The following CNTNAP4 variants were observed in gnomAD, a reference collection of about 807,000 sequenced individuals.
CNTNAP4 encodes the protein contactin-associated protein-like 4.
In CNTNAP4, 98 loss-of-function variants were observed where a neutral mutation model predicts 148.4. The observed-to-expected ratio is 0.66, with a 90% CI of 0.56 to 0.78. The LOEUF (loss-of-function observed/expected upper bound fraction) is 0.78. Among genes scored for constraint, CNTNAP4 ranks in the 30% least tolerant of loss-of-function variants. The probability of loss-of-function intolerance (pLI) is 0.00; values close to 1 mark genes in which losing one functional copy is unlikely to be tolerated. For missense variants in CNTNAP4, 1,935 were observed against 1,565.6 expected (o/e 1.24, Z -3.98); for synonymous variants, 730 against 565.1 (o/e 1.29, Z -4.14).
rs117652800 is a variant in CNTNAP4, at chr16:76,434,907, A to T, written c.538+7308A>T. On this transcript the variant is annotated intron_variant, in intron 4 of 23. Coordinates refer to ENST00000611870, the MANE Select transcript of CNTNAP4 (RefSeq NM_033401.5). ...GAACTCCATTAATCACCTGACCTCCATAAGCCCCTACTTTAACTGGAGCAC... is the reference window on the plus strand; with the variant it reads ...GAACTCCATTAATCACCTGACCTCCTTAAGCCCCTACTTTAACTGGAGCAC... Among the ~76,000 whole-genome samples the T allele has an allele frequency of 9.3e-4, 141 of 152,272 alleles. 2 individuals carry two copies. The East Asian group carries it at 0.021, about 23-fold the overall frequency.
chr16:76,471,007 CA>C (rs1221571953), intron 10 of CNTNAP4, among the ~76,000 whole-genome samples: 1 of 151,636 alleles, frequency 6.6e-6, no homozygotes, highest in Non-Finnish European at 1.5e-5. Flanking sequence ...CACTCACACA[CA>C]ACCATCCTTT....
chr16:76,384,143 A>T (rs2016277966), intron 3 of CNTNAP4, among the ~76,000 whole-genome samples: 1 of 151,616 alleles, frequency 6.6e-6, no homozygotes, highest in Admixed American at 6.6e-5. Flanking sequence ...TCCCAGGTTC[A>T]AGTGATTCTC....
At chr16:76,456,981 A>G (rs998351177) in intron 8 of CNTNAP4, among the ~76,000 whole-genome samples, 2 of 152,188 alleles carry the variant, frequency 1.3e-5, no homozygotes, top group Non-Finnish European at 2.9e-5. Context: ...AGCTCCCAGT[A>G]TTTGTTATAA....
intron 4 of CNTNAP4, among the ~76,000 whole-genome samples, chr16:76,442,110 C>T (rs1261719518): frequency 6.6e-6 from 1 of 151,976 alleles, no homozygotes; most frequent in Non-Finnish European, 1.5e-5. Context: ...CCAGGCGGAC[C>T]TGATGTAATC....
At chr16:76,466,488 G>A (rs1190247807) in intron 9 of CNTNAP4, among the ~76,000 whole-genome samples, 3 of 152,046 alleles carry the variant, frequency 2.0e-5, no homozygotes. Context: ...CACTTTGCAT[G>A]CCTGTTTCAA....
At chr16:76,292,743 T>C (rs1367490269) in intron 1 of CNTNAP4, among the ~76,000 whole-genome samples, 1 of 152,192 alleles carries the variant, frequency 6.6e-6, no homozygotes, top group Non-Finnish European at 1.5e-5. Context: ...AAAATAGGCA[T>C]CTTAAGAAAA....
At chr16:76,473,545 G>A (rs1417055298) in intron 10 of CNTNAP4, among the ~76,000 whole-genome samples, 3 of 151,964 alleles carry the variant, frequency 2.0e-5, no homozygotes, top group Non-Finnish European at 1.5e-5. Flanking sequence ...AGGCCGAGGC[G>A]GGCAGATCAC....
rs181495607 is a variant in CNTNAP4, at chr16:76,542,448, A to C, written c.3442+1658A>C. 6.6e-3 allele frequency among the ~76,000 whole-genome samples: 1,012 copies of C among 152,266 alleles called. 13 individuals carry two copies. The highest frequency in any genetic ancestry group is 5.6e-3 in the Non-Finnish European group (379 of 68,014). ...GAGAATTGTAAAAGTCTAAACAAAC[A>C]AGCAGCAACAAAAACAAAGCCTCAA... On this transcript the variant is annotated intron_variant, in intron 21 of 23. Transcript: ENST00000611870.
At chr16:76,332,765 G>A (rs1350304493) in intron 2 of CNTNAP4, among the ~76,000 whole-genome samples, 1 of 151,710 alleles carries the variant, frequency 6.6e-6, no homozygotes, top group Non-Finnish European at 1.5e-5. Context: ...AGGGATCTTG[G>A]GTGATCCTAG....
intron 2 of CNTNAP4, among the ~76,000 whole-genome samples, chr16:76,349,021 A>G (rs1965151466): frequency 1.3e-5 from 2 of 152,134 alleles, no homozygotes; most frequent in South Asian, 4.1e-4. Context: ...TGACCGTGAG[A>G]AGGATCAGCA....
chr16:76,278,868 C>T (rs1052316117), intron 1 of CNTNAP4, among the ~76,000 whole-genome samples: 3 of 152,116 alleles, frequency 2.0e-5, no homozygotes, highest in African/African-American at 4.8e-5. Flanking sequence ...AGTCAAATGT[C>T]CCCTCACAGT....
chr16:76,467,320 G>A (rs1597637572), intron 9 of CNTNAP4, 32 bp from the exon 10 acceptor site: 1 of 1,595,504 alleles, frequency 6.3e-7, no homozygotes, highest in African/African-American at 1.3e-5. Flanking sequence ...GATTCATTGT[G>A]ATGCGTACTG....
At chr16:76,528,022 T>C (rs927233874) in intron 17 of CNTNAP4, among the ~76,000 whole-genome samples, 8 of 152,164 alleles carry the variant, frequency 5.3e-5, no homozygotes, top group Non-Finnish European at 1.2e-4. Flanking sequence ...TAAACAAATT[T>C]GGTAGAACCC....
At chr16:76,350,458 C>T (rs1232117235) in intron 2 of CNTNAP4, among the ~76,000 whole-genome samples, 2 of 152,086 alleles carry the variant, frequency 1.3e-5, no homozygotes, top group Non-Finnish European at 2.9e-5. Context: ...ACAATAGGCA[C>T]TGGATAATTT....
intron 1 of CNTNAP4, among the ~76,000 whole-genome samples, chr16:76,289,159 A>G (rs1959009961): frequency 6.6e-6 from 1 of 152,212 alleles, no homozygotes; most frequent in Admixed American, 6.5e-5. Context: ...AACAAAAGAT[A>G]CATCATGAGT....
At chr16:76,443,226 T>G (rs950250636) in intron 4 of CNTNAP4, among the ~76,000 whole-genome samples, 1 of 152,144 alleles carries the variant, frequency 6.6e-6, no homozygotes, top group Non-Finnish European at 1.5e-5. Context: ...ATTCTTCCTT[T>G]CAGTTAAGCA....
chr16:76,491,745 T>C (rs1474692863), intron 13 of CNTNAP4, among the ~76,000 whole-genome samples: 4 of 152,340 alleles, frequency 2.6e-5, no homozygotes, highest in South Asian at 2.1e-4. Flanking sequence ...TCATGCAGTA[T>C]ATGTCTTTCA....
intron 4 of CNTNAP4, among the ~76,000 whole-genome samples, chr16:76,431,552 G>A (rs186699578): frequency 1.2e-4 from 19 of 152,214 alleles, no homozygotes; most frequent in Admixed American, 2.6e-4. Flanking sequence ...GGCAGCGCAC[G>A]CCTGTAATCC....
chr16:76,396,941 C>T (rs1567994543), intron 3 of CNTNAP4, among the ~76,000 whole-genome samples: 2 of 152,062 alleles, frequency 1.3e-5, no homozygotes, highest in Non-Finnish European at 2.9e-5. Flanking sequence ...CAACAAGAAG[C>T]TTTAAAGGAA....
Sources: allele counts gnomAD v4.1 joint callset (sites outside exome capture counted in the v4.1 genomes callset), GRCh38; gene constraint gnomAD v4.1.1; transcripts MANE v1.5; gene names NCBI Gene and HGNC (gene_info 2026-07-23, HGNC 2026-07-21).